COL24A1: variants seen among roughly 807,000 people sequenced by gnomAD.
COL24A1 encodes collagen type XXIV alpha 1 chain.
Under a neutral mutation model 253.9 loss-of-function variants are expected in COL24A1, and 224 were observed. The ratio of observed to expected loss-of-function variants is 0.88; its 90% confidence interval spans 0.79 to 0.99. The LOEUF (loss-of-function observed/expected upper bound fraction) is 0.99. Among genes scored for constraint, COL24A1 ranks in the 50% least tolerant of loss-of-function variants. COL24A1 has a pLI of 0.00. For missense variants in COL24A1, 2,131 were observed against 2,068.5 expected, an observed-to-expected ratio of 1.03 and a Z score of -0.59; for synonymous variants, 685 against 673.7, an observed-to-expected ratio of 1.02 and a Z score of -0.26.
chr1:85,908,707 T>G, intron 26 of COL24A1, 56 bp from the exon 27 acceptor site: 1 of 745,924 alleles, frequency 1.3e-6, no homozygotes, highest in Non-Finnish European at 2.0e-6. Context: ...TAAATTATTT[T>G]CATTGAAGAC....
At chr1:86,097,397 G>A (rs1042841513) in intron 5 of COL24A1, among the ~76,000 whole-genome samples, 16 of 147,850 alleles carry the variant, frequency 1.1e-4, no homozygotes, top group Admixed American at 5.4e-4. Flanking sequence ...TTCTTTCTTC[G>A]TCTTTCTTCT....
chr1:86,148,644 C>T (rs1223268010), intron 1 of COL24A1, among the ~76,000 whole-genome samples: 1 of 152,032 alleles, frequency 6.6e-6, no homozygotes, highest in Admixed American at 6.5e-5. Context: ...ATGATGATTT[C>T]CAATTTCATC....
intron 7 of COL24A1, among the ~76,000 whole-genome samples, chr1:86,087,274 AT>A (rs1442644985): frequency 6.6e-6 from 1 of 152,236 alleles, no homozygotes. Context: ...CTAGAAAAAA[AT>A]AATTCAAAAT....
At chr1:85,778,261 G>A (rs921829875) in intron 52 of COL24A1, among the ~76,000 whole-genome samples, 32 of 151,772 alleles carry the variant, frequency 2.1e-4, no homozygotes, top group Admixed American at 1.1e-3. Flanking sequence ...CTGCCACTAC[G>A]CCAGGCTCAT....
At chr1:86,099,052 T>C (rs1704232711) in intron 5 of COL24A1, among the ~76,000 whole-genome samples, 2 of 152,146 alleles carry the variant, frequency 1.3e-5, no homozygotes, top group African/African-American at 2.4e-5. Flanking sequence ...ATAGGTCACA[T>C]ATTGGGCCAT....
rs563791782 is a variant in COL24A1, at chr1:85,835,379, G to A, written c.3681+3206C>T. Among the ~76,000 whole-genome samples, 5 of 152,102 alleles carry A rather than the reference G, an allele frequency of 3.3e-5. No individual in the cohort carries two copies. The East Asian group carries it at 7.7e-4, about 24-fold the overall frequency. On this transcript the variant is annotated intron_variant, in intron 43 of 59. Transcript: ENST00000370571. ...TCTCCTGACCTCGTGATCTGCCCAC[G>A]GTGGCCTCCCAAAGTGCTGGGATTA...
intron 5 of COL24A1, among the ~76,000 whole-genome samples, chr1:86,094,695 G>A (rs994221767): frequency 2.0e-5 from 3 of 151,514 alleles, no homozygotes; most frequent in Non-Finnish European, 4.4e-5. Context: ...ATCACTGTTT[G>A]CTCCACTATT....
chr1:86,140,702 G>C (rs186701548), intron 2 of COL24A1, among the ~76,000 whole-genome samples: 2 of 152,312 alleles, frequency 1.3e-5, no homozygotes, highest in African/African-American at 2.4e-5. Flanking sequence ...TCATTGTAGA[G>C]AAGTGTTGTA....
chr1:86,051,286 G>T (rs1366817534), intron 10 of COL24A1, among the ~76,000 whole-genome samples: 1 of 152,026 alleles, frequency 6.6e-6, no homozygotes, highest in Non-Finnish European at 1.5e-5. Context: ...GGGAAAGAGG[G>T]TCATACAAAT....
intron 11 of COL24A1, among the ~76,000 whole-genome samples, chr1:86,049,207 C>T (rs930424890): frequency 6.6e-6 from 1 of 152,160 alleles, no homozygotes. Flanking sequence ...CCTCATCTCA[C>T]CAAAGATGGC....
intron 2 of COL24A1, among the ~76,000 whole-genome samples, chr1:86,134,071 G>A (rs548075918): frequency 3.4e-4 from 52 of 152,174 alleles, no homozygotes; most frequent in African/African-American, 1.2e-3. Flanking sequence ...TCCTGCTTTC[G>A]TCTTGGGAGG....
chr1:85,862,383 A>T (rs1392805681), intron 37 of COL24A1, among the ~76,000 whole-genome samples: 5 of 151,390 alleles, frequency 3.3e-5, no homozygotes, highest in Non-Finnish European at 7.4e-5. Context: ...AAGACAATGA[A>T]TTTTTTTAAA....
intron 43 of COL24A1, among the ~76,000 whole-genome samples, chr1:85,830,729 T>C (rs184375242): frequency 6.6e-6 from 1 of 152,144 alleles, no homozygotes; most frequent in East Asian, 1.9e-4. Flanking sequence ...GAAAGGGAAC[T>C]CCCTGACCCC....
chr1:85,997,325 T>C (rs1291594803), intron 19 of COL24A1, among the ~76,000 whole-genome samples: 1 of 151,970 alleles, frequency 6.6e-6, no homozygotes, highest in African/African-American at 2.4e-5. Flanking sequence ...ATGTGAAATG[T>C]AGAGGACATG....
chr1:85,937,818 A>G (rs1688365562), intron 24 of COL24A1, among the ~76,000 whole-genome samples: 1 of 147,678 alleles, frequency 6.8e-6, no homozygotes, highest in Non-Finnish European at 1.5e-5. Context: ...GATTTATTCT[A>G]GCAGAAATGA....
intron 24 of COL24A1, among the ~76,000 whole-genome samples, chr1:85,917,755 A>T (rs1479076593): frequency 2.6e-5 from 4 of 152,038 alleles, no homozygotes; most frequent in African/African-American, 9.7e-5. Context: ...CAGTGGCATG[A>T]TCTCTGCTCA....
chr1:86,050,753 T>C (rs1364083544), intron 10 of COL24A1, among the ~76,000 whole-genome samples: 2 of 152,162 alleles, frequency 1.3e-5, no homozygotes, highest in Non-Finnish European at 2.9e-5. Flanking sequence ...TTTTATATGT[T>C]AGCTTTATGT....
intron 53 of COL24A1, among the ~76,000 whole-genome samples, chr1:85,765,618 G>T (rs1425476416): frequency 1.3e-5 from 2 of 151,784 alleles, no homozygotes; most frequent in Non-Finnish European, 2.9e-5. Flanking sequence ...ACACGCACCT[G>T]TAGTCCTAGC....
At position 85,786,449 on chromosome 1, in the gene COL24A1, C is replaced by A. The variant is rs765308470; in HGVS notation, c.3964G>T (p.Gly1322Cys). Residue 1322 changes from glycine (G) to cysteine (C), a missense_variant, in exon 48 of 60, where the codon GGC becomes TGC. By Grantham distance (159) the Gly-to-Cys change is radical. Transcript: ENST00000370571. ...GKQGLPGIRG[G>C]PGRTGLAGAP... ...CCAGCAAGACCTGTTCTTCCTGGGC[C>A]GCCTCTGATGCCCTAAATAACACAG... The A allele has an allele frequency of 1.9e-6, 3 of 1,613,194 alleles. No individual in the cohort carries two copies. In the East Asian group the frequency reaches 6.7e-5, roughly 36 times the overall value.
Sources: allele counts gnomAD v4.1 joint callset (sites outside exome capture counted in the v4.1 genomes callset), GRCh38; gene constraint gnomAD v4.1.1; transcripts MANE v1.5; gene names NCBI Gene and HGNC (gene_info 2026-07-23, HGNC 2026-07-21).